FAM174A: variants seen among roughly 807,000 people sequenced by gnomAD.
FAM174A encodes membrane protein FAM174A.
In FAM174A, 14 loss-of-function variants were observed where a neutral mutation model predicts 14.3. The ratio of observed to expected loss-of-function variants is 0.98; its 90% CI spans 0.65 to 1.53. FAM174A has a LOEUF of 1.53. Among genes scored for constraint, FAM174A ranks in the 40% most tolerant of loss-of-function variants. FAM174A has a pLI of 0.00. For synonymous variants in FAM174A, 108 were observed against 111.4 expected, an observed-to-expected ratio of 0.97 and a Z score of 0.19; for missense variants, 241 against 249.6, an observed-to-expected ratio of 0.97 and a Z score of 0.23.
intron 2 of FAM174A, among the ~76,000 whole-genome samples, chr5:100,568,261 A>G (rs1215358568): frequency 6.6e-6 from 1 of 151,580 alleles, no homozygotes; most frequent in Non-Finnish European, 1.5e-5. Flanking sequence ...TGTCCTTGTA[A>G]CTCGGTCCCA....
chr5:100,566,325 A>C (rs1448321131), intron 2 of FAM174A, among the ~76,000 whole-genome samples: 1 of 151,458 alleles, frequency 6.6e-6, no homozygotes, highest in Non-Finnish European at 1.5e-5. Context: ...CAGATATTGC[A>C]TTATCTCACT....
At chr5:100,560,506 T>C (rs985300715) in intron 1 of FAM174A, among the ~76,000 whole-genome samples, 1 of 152,076 alleles carries the variant, frequency 6.6e-6, no homozygotes, top group Non-Finnish European at 1.5e-5. Flanking sequence ...GATAGCTCTA[T>C]AGGTAATGAC....
At chr5:100,564,813 A>G (rs1233978966) in intron 2 of FAM174A, among the ~76,000 whole-genome samples, 1 of 151,924 alleles carries the variant, frequency 6.6e-6, no homozygotes, top group African/African-American at 2.4e-5. Context: ...CAATCTATGA[A>G]ACTTGAATCA....
chr5:100,545,651 T>G (rs970919929), intron 1 of FAM174A, among the ~76,000 whole-genome samples: 1 of 152,194 alleles, frequency 6.6e-6, no homozygotes, highest in Non-Finnish European at 1.5e-5. Flanking sequence ...AAGATAAAAC[T>G]GTCTCTATGT....
chr5:100,555,127 G>A (rs1374068214), intron 1 of FAM174A, among the ~76,000 whole-genome samples: 2 of 149,800 alleles, frequency 1.3e-5, no homozygotes, highest in Non-Finnish European at 1.5e-5. Context: ...CCCTTCCTGT[G>A]TCCATGTGTT....
At chr5:100,572,887 A>G (rs1487403667) in intron 2 of FAM174A, among the ~76,000 whole-genome samples, 2 of 152,010 alleles carry the variant, frequency 1.3e-5, no homozygotes, top group Non-Finnish European at 2.9e-5. Flanking sequence ...AAGTGTTCCT[A>G]TTTCTCCACA....
chr5:100,562,318 G>A (rs1746542098), intron 2 of FAM174A, 130 bp downstream of exon 2: 1 of 812,690 alleles, frequency 1.2e-6, no homozygotes, highest in Admixed American at 3.3e-5. Flanking sequence ...GTTTACTGAA[G>A]TTCTTTTTGC....
intron 1 of FAM174A, among the ~76,000 whole-genome samples, chr5:100,548,915 A>G (rs1221184347): frequency 6.6e-6 from 1 of 151,694 alleles, no homozygotes; most frequent in Non-Finnish European, 1.5e-5. Context: ...TTATACTTTA[A>G]TTTTCTCACT....
chr5:100,548,948 T>C (rs1177741102), intron 1 of FAM174A, among the ~76,000 whole-genome samples: 1 of 152,136 alleles, frequency 6.6e-6, no homozygotes, highest in South Asian at 2.1e-4. Flanking sequence ...GCTTTAAATA[T>C]GTATACAAAT....
intron 2 of FAM174A, among the ~76,000 whole-genome samples, chr5:100,571,068 G>A (rs908769543): frequency 6.6e-6 from 1 of 151,322 alleles, no homozygotes; most frequent in African/African-American, 2.4e-5. Flanking sequence ...ATATATCGTT[G>A]GGTTCAATTC....
intron 2 of FAM174A, among the ~76,000 whole-genome samples, chr5:100,575,368 A>G (rs185533171): frequency 6.6e-6 from 1 of 152,072 alleles, no homozygotes; most frequent in African/African-American, 2.4e-5. Context: ...CATCATTTAC[A>G]TTAGGTATAT....
chr5:100,582,618 A>G (rs953763202), intron 2 of FAM174A, among the ~76,000 whole-genome samples: 1 of 152,302 alleles, frequency 6.6e-6, no homozygotes, highest in Admixed American at 6.5e-5. Flanking sequence ...TTGTATGTCA[A>G]AATATAGTTT....
At chr5:100,567,595 T>G (rs1447280553) in intron 2 of FAM174A, among the ~76,000 whole-genome samples, 1 of 151,964 alleles carries the variant, frequency 6.6e-6, no homozygotes, top group Admixed American at 6.6e-5. Flanking sequence ...GTACAAAATA[T>G]TCTATACTTG....
chr5:100,536,613 GC>G (rs1745947212), intron 1 of FAM174A, among the ~76,000 whole-genome samples: 1 of 152,044 alleles, frequency 6.6e-6, no homozygotes, highest in South Asian at 2.1e-4. Flanking sequence ...GACATACAGA[GC>G]CAAGACCTCA....
At chr5:100,555,122 C>T (rs916172452) in intron 1 of FAM174A, among the ~76,000 whole-genome samples, 1 of 149,942 alleles carries the variant, frequency 6.7e-6, no homozygotes, top group Non-Finnish European at 1.5e-5. Context: ...TGTTCCCCTT[C>T]CTGTGTCCAT....
intron 2 of FAM174A, among the ~76,000 whole-genome samples, chr5:100,572,164 A>C (rs1746795330): frequency 6.6e-6 from 1 of 151,554 alleles, no homozygotes; most frequent in Non-Finnish European, 1.5e-5. Context: ...AAGTTATATT[A>C]ATCTGTGTAA....
intron 1 of FAM174A, among the ~76,000 whole-genome samples, chr5:100,560,007 G>A (rs1050240825): frequency 7.2e-5 from 11 of 152,026 alleles, no homozygotes; most frequent in Non-Finnish European, 1.6e-4. Flanking sequence ...GCGTTCCTTT[G>A]GAGGAGGAGA....
intron 1 of FAM174A, among the ~76,000 whole-genome samples, chr5:100,542,724 T>C (rs1470345045): frequency 1.3e-5 from 2 of 152,152 alleles, no homozygotes; most frequent in Admixed American, 6.5e-5. Context: ...CTGGGCACAG[T>C]GGCTTACGTT....
chr5:100,544,424 A>C (rs1746125725), intron 1 of FAM174A, among the ~76,000 whole-genome samples: 1 of 152,034 alleles, frequency 6.6e-6, no homozygotes, highest in Admixed American at 6.6e-5. Context: ...AGAGAGAGAG[A>C]GAGAGAGAGA....
Sources: allele counts gnomAD v4.1 joint callset (sites outside exome capture counted in the v4.1 genomes callset), GRCh38; gene constraint gnomAD v4.1.1; transcripts MANE v1.5; gene names NCBI Gene and HGNC (gene_info 2026-07-23, HGNC 2026-07-21).